Variants in ANKRD40CL observed in about 807,000 individuals in gnomAD.
ANKRD40CL encodes ANKRD40 C-terminal like.
For missense variants in ANKRD40CL, 11 were observed against 6.4 expected (o/e 1.71, Z -0.77); for synonymous variants, 5 against 2.3 (o/e 2.14, Z -1.04).
intron 3 of ANKRD40CL, among the ~76,000 whole-genome samples, chr17:50,762,172 C>T (rs565873401): frequency 4.6e-5 from 7 of 152,156 alleles, no homozygotes; most frequent in East Asian, 1.9e-4. Flanking sequence ...CCGCCCACCT[C>T]GGCCTCCCAA....
At chr17:50,763,296 A>T (rs1012707569) in intron 3 of ANKRD40CL, 101 bp downstream of exon 3, 14 of 398,594 alleles carry the variant, frequency 3.5e-5, no homozygotes, top group Middle Eastern at 6.3e-4. Context: ...TTTTGCAGCC[A>T]GGATTTCTGG....
intron 2 of ANKRD40CL, 33 bp downstream of exon 2, chr17:50,766,841 G>C: frequency 1.6e-6 from 1 of 627,282 alleles, no homozygotes; most frequent in East Asian, 2.7e-5. Flanking sequence ...TCCTCCTTGA[G>C]GACCATGTTG....
At chr17:50,766,683 A>G (rs7217679) in intron 2 of ANKRD40CL, 191 bp downstream of exon 2, 479,521 of 484,704 alleles carry the variant, frequency 0.99, 237,436 homozygotes, top group East Asian at 1. Flanking sequence ...ATTATTTATT[A>G]TAGCTATAGA....
intron 3 of ANKRD40CL, among the ~76,000 whole-genome samples, chr17:50,762,109 CAG>C (rs1462271129): frequency 6.6e-6 from 1 of 151,180 alleles, no homozygotes; most frequent in African/African-American, 2.4e-5. Flanking sequence ...CCTGTAGAGA[CAG>C]GGTTTCACCA....
In ANKRD40CL at chr17:50,761,063, CAG is replaced by C; in HGVS notation, c.*298_*299del. On this transcript the variant is annotated 3_prime_UTR_variant, in exon 4 of 4. Coordinates refer to ENST00000450727, the MANE Select transcript of ANKRD40CL (RefSeq NM_001358683.3). The stretch of plus-strand genomic sequence containing the variant: ...TTATTTATTTATTTATTTTGAGAGA[CAG>C]AGTCTTGCTCTGTCGCCAGGCTGGA... 1 of 40,906 alleles carries C rather than the reference CAG, an allele frequency of 2.4e-5. No individual in the cohort carries two copies. Among genetic ancestry groups the C allele is most frequent in the African/African-American group, 1.1e-4 (1 of 9,380 alleles). 2.5% of individuals were successfully genotyped at this position (40,906 alleles called of 1,614,324 possible).
At position 50,761,208 on chromosome 17, in the gene ANKRD40CL, A is replaced by C; in HGVS notation, c.*155T>G. On this transcript the variant is annotated 3_prime_UTR_variant, in exon 4 of 4. Coordinates refer to ENST00000450727, the MANE Select transcript of ANKRD40CL (RefSeq NM_001358683.3). Reference sequence around the variant, plus strand: ...CAGGTGTGCGCCACCACACCTAGCTAATTTTTGTATTTTTTTTAGTAGAGA... The same window carrying C: ...CAGGTGTGCGCCACCACACCTAGCTCATTTTTGTATTTTTTTTAGTAGAGA... The C allele has an allele frequency of 2.8e-6, 1 of 353,734 alleles. No individual in the cohort carries two copies. 21.9% of individuals were successfully genotyped at this position (353,734 alleles called of 1,614,324 possible).
chr17:50,763,556 G>A lies in ANKRD40CL; in HGVS notation c.42C>T (p.Val14=), dbSNP rs2143146273. Residue 14 remains valine, a splice_region_variant and synonymous_variant, in exon 3 of 4, where the codon GTC becomes GTT. Coordinates refer to ENST00000450727, the MANE Select transcript of ANKRD40CL (RefSeq NM_001358683.3). Reference sequence around the variant, plus strand: ...CATTTTCTTTGGGGTTCTGAATTCTGACTTTAAACACAAGCTCTAAATCAC... The same window carrying A: ...CATTTTCTTTGGGGTTCTGAATTCTAACTTTAAACACAAGCTCTAAATCAC... ...PEQDIGEKPA[V]RIQNPKENDF... is the part of the protein sequence containing the mutation. 2.5e-6 allele frequency: 1 copy of A among 398,964 alleles called. No homozygotes were observed. The highest frequency in any genetic ancestry group is 4.4e-5 in the Admixed American group (1 of 22,726). 24.7% of individuals were successfully genotyped at this position (398,964 alleles called of 1,614,324 possible).
At chr17:50,762,180 C>G (rs1401179522) in intron 3 of ANKRD40CL, among the ~76,000 whole-genome samples, 1 of 152,130 alleles carries the variant, frequency 6.6e-6, no homozygotes. Flanking sequence ...CTCGGCCTCC[C>G]AAAGTGCTGG....
At chr17:50,763,292 A>C (rs540024071) in intron 3 of ANKRD40CL, 105 bp downstream of exon 3, 1 of 398,514 alleles carries the variant, frequency 2.5e-6, no homozygotes, top group South Asian at 1.4e-4. Context: ...GCCGTTTTGC[A>C]GCCAGGATTT....
chr17:50,766,101 G>A (rs945621992), intron 2 of ANKRD40CL, among the ~76,000 whole-genome samples: 3 of 152,092 alleles, frequency 2.0e-5, no homozygotes, highest in African/African-American at 7.2e-5. Context: ...GAGATGAGAC[G>A]CTCCTGCCCA....
chr17:50,764,641 A>T, intron 2 of ANKRD40CL: 1 of 162,302 alleles, frequency 6.2e-6, no homozygotes. Context: ...GGGAAGGGAA[A>T]GGAGTGAATA....
rs991294415 is a variant in ANKRD40CL at position 50,767,466 on chromosome 17, G to A, written c.-102C>T. On this transcript the variant is annotated 5_prime_UTR_variant, in exon 1 of 4. Transcript: ENST00000450727. Reference sequence around the variant, plus strand: ...AAGCAGAAAGACCCCTCCATACCTGGGAAAATGACCTTGGTGATGATCCTG... The same window carrying A: ...AAGCAGAAAGACCCCTCCATACCTGAGAAAATGACCTTGGTGATGATCCTG... 1 of 259,368 alleles carries A rather than the reference G, an allele frequency of 3.9e-6. No homozygotes were observed. Among genetic ancestry groups the A allele is most frequent in the Non-Finnish European group, 7.7e-6 (1 of 129,130 alleles). The allele number at this position is 259,368 out of a possible 1,614,324, so 16.1% of individuals were successfully genotyped here. A position where few individuals can be genotyped will look rare whatever the true frequency, so the allele number is the denominator to read the frequency against.
At chr17:50,763,771 C>A (rs1183248682) in intron 2 of ANKRD40CL, 5 of 387,106 alleles carry the variant, frequency 1.3e-5, no homozygotes, top group Non-Finnish European at 2.3e-5. Flanking sequence ...GGATGTATGC[C>A]CCCATTATAT....
At chr17:50,767,217 C>G (rs769774954) in intron 1 of ANKRD40CL, 1 of 589,942 alleles carries the variant, frequency 1.7e-6, no homozygotes, top group African/African-American at 1.9e-5. Flanking sequence ...AGTACTCACC[C>G]GAGGGAATGG....
At position 50,761,461 on chromosome 17, in the gene ANKRD40CL, T is replaced by C. The variant is rs539095907; in HGVS notation, c.247A>G (p.Ile83Val). 13 of 399,064 alleles carry C rather than the reference T, an allele frequency of 3.3e-5. No homozygotes were observed. In the South Asian group the frequency reaches 1.7e-3, roughly 51 times the overall value. 24.7% of individuals were successfully genotyped at this position (399,064 alleles called of 1,614,324 possible). A position where few individuals can be genotyped will look rare whatever the true frequency, so the allele number is the denominator to read the frequency against. ...RLRDFQEVEL[I>V]LMKNGSSRLT... ...CTGGAGCTTCCATTTTTCATTAAAA[T>C]GAGTTCCACTTCCTGAAAGTCCCGC... Residue 83 changes from isoleucine (I) to valine (V), a missense_variant, in exon 4 of 4, where the codon ATT becomes GTT. Ile to Val is a conservative substitution (Grantham distance 29, BLOSUM62 3). Transcript: ENST00000450727.
chr17:50,767,140 A>G (rs1283195078), intron 1 of ANKRD40CL, 129 bp from the exon 2 acceptor site: 1 of 674,304 alleles, frequency 1.5e-6, no homozygotes, highest in Non-Finnish European at 2.7e-6. Context: ...CAGTGAAGGA[A>G]GGTACTGAAG....
At chr17:50,762,902 G>A (rs1485385530) in intron 3 of ANKRD40CL, 1 of 151,668 alleles carries the variant, frequency 6.6e-6, no homozygotes, top group Non-Finnish European at 1.5e-5. Context: ...TCATTCAGAG[G>A]TTTGTTTTTT....
At position 50,766,944 on chromosome 17, in the gene ANKRD40CL, C is replaced by T. The variant is rs1176086530; in HGVS notation, c.-31G>A. The T allele has an allele frequency of 8.5e-6, 6 of 701,770 alleles. No individual in the cohort carries two copies. In the African/African-American group the frequency reaches 8.9e-5, roughly 10 times the overall value. The allele number at this position is 701,770 out of a possible 1,614,324, so 43.5% of individuals were successfully genotyped here. A position where few individuals can be genotyped will look rare whatever the true frequency, so the allele number is the denominator to read the frequency against. On this transcript the variant is annotated 5_prime_UTR_variant, in exon 2 of 4. Transcript: ENST00000450727. ...ACCTCTAGTCCGTCAGATGTGCAGC[C>T]CCTCTCGCATTTATGCACAAGCTCC...
At chr17:50,766,364 G>A (rs1971315441) in intron 2 of ANKRD40CL, among the ~76,000 whole-genome samples, 1 of 152,122 alleles carries the variant, frequency 6.6e-6, no homozygotes, top group African/African-American at 2.4e-5. Flanking sequence ...CCAACACACA[G>A]CCCGAGAACT....
Sources: gnomAD v4.1 joint callset for allele counts (sites outside exome capture counted in the v4.1 genomes callset) on GRCh38, gnomAD v4.1.1 for gene constraint, MANE v1.5 for transcripts, NCBI Gene and HGNC (gene_info 2026-07-23, HGNC 2026-07-21) for gene names.